MMP19: variants seen among roughly 807,000 people sequenced by gnomAD.
MMP19 encodes matrix metallopeptidase 19.
In MMP19, 47 loss-of-function variants were observed where a neutral mutation model predicts 46.6. That is an observed-to-expected ratio of 1.01 (90% CI 0.80 to 1.29). MMP19 has a LOEUF of 1.29. Among genes scored for constraint, MMP19 ranks in the 50% most tolerant of loss-of-function variants. The probability of loss-of-function intolerance (pLI) is 0.00; values close to 1 mark genes in which losing one functional copy is unlikely to be tolerated. For synonymous variants in MMP19, 222 were observed against 248.5 expected, an observed-to-expected ratio of 0.89 and a Z score of 1.00; for missense variants, 589 against 643.5, an observed-to-expected ratio of 0.92 and a Z score of 0.92.
Position 55,837,010 on chromosome 12 carries a change from C to T in MMP19, c.*26G>A, listed in dbSNP as rs1881263593. ...GTGGTGGAGCCTCAGGGGTTAATGT[C>T]CAAGATTGTGTCTGTGGGTGAGCAG... On this transcript the variant is annotated 3_prime_UTR_variant, in exon 9 of 9. Coordinates refer to ENST00000322569, the MANE Select transcript of MMP19 (RefSeq NM_002429.6). The T allele has an allele frequency of 4.6e-6, 7 of 1,535,734 alleles. No homozygotes were observed. Among genetic ancestry groups the T allele is most frequent in the Non-Finnish European group, 6.2e-6 (7 of 1,137,640 alleles).
At chr12:55,837,805 G>A (rs1261841405) in intron 7 of MMP19, 38 bp downstream of exon 7, 1 of 1,593,742 alleles carries the variant, frequency 6.3e-7, no homozygotes, top group African/African-American at 1.4e-5. Flanking sequence ...TTAAGATTAG[G>A]CCCTCCTCAA....
chr12:55,840,778 T>TGGAGGTC lies in MMP19; in HGVS notation c.408_409insGACCTCC (p.Ser137AspfsTer19). On this transcript the variant is annotated frameshift_variant, in exon 4 of 9. Transcript: ENST00000322569. LOFTEE classifies it high-confidence loss of function. ...TGGAAGGTCAAGGGAGCCACATTGC[T>TGGAGGTC]CCAGTCCTGGAAGGCTTGACGCAGG... The TGGAGGTC allele has an allele frequency of 6.2e-7, 1 of 1,614,010 alleles. No individual in the cohort carries two copies. The highest frequency in any genetic ancestry group is 1.7e-4 in the Middle Eastern group (1 of 6,060).
Position 55,842,813 on chromosome 12 carries a change from C to T in MMP19, c.18G>A (p.Leu6=), listed in dbSNP as rs1213524256. Residue 6 remains leucine, a synonymous_variant, in exon 1 of 9, where the codon CTG becomes CTA. Transcript: ENST00000322569. MNCQQ[L]WLGFLLPMTV... is the part of the protein sequence containing the mutation. ...TCATGGGGAGTAGGAAGCCCAGCCACAGCTGCTGGCAGTTCATGGTCCCAC... is the reference window on the plus strand; with the variant it reads ...TCATGGGGAGTAGGAAGCCCAGCCATAGCTGCTGGCAGTTCATGGTCCCAC... 1 of 1,599,808 alleles carries T rather than the reference C, an allele frequency of 6.3e-7. No individual in the cohort carries two copies. The highest frequency in any genetic ancestry group is 2.3e-5 in the East Asian group (1 of 44,042).
chr12:55,839,419 G>A, intron 5 of MMP19, 77 bp downstream of exon 5: 1 of 1,495,678 alleles, frequency 6.7e-7, no homozygotes, highest in Admixed American at 2.2e-5. Context: ...ATCCCTACAT[G>A]GAGGCTAGAC....
chr12:55,840,872 T>C lies in MMP19; in HGVS notation c.315A>G (p.Arg105=). 2.5e-6 allele frequency: 4 copies of C among 1,583,576 alleles called. No homozygotes were observed. The highest frequency in any genetic ancestry group is 3.4e-6 in the Non-Finnish European group (4 of 1,160,812). ...TLKYLLLGRW[R]KKHLTFRILN... is the part of the protein sequence containing the mutation. ...AGATGCGGAAAGTCAGGTGCTTCTT[T>C]CTCCAGCGGCCTAGTTAATGACCAG... The change falls in exon 4 of 9, where the codon AGA becomes AGG. Residue 105 remains arginine (R), a synonymous_variant. Coordinates refer to ENST00000322569, the MANE Select transcript of MMP19 (RefSeq NM_002429.6).
rs1254881531 is a variant in MMP19, at chr12:55,841,183, G to T, written c.227C>A (p.Thr76Lys). 1.2e-6 allele frequency: 2 copies of T among 1,613,848 alleles called. No individual in the cohort carries two copies. The highest frequency in any genetic ancestry group is 1.7e-6 in the Non-Finnish European group (2 of 1,180,012). Residue 76 changes from threonine to lysine, a missense_variant, in exon 3 of 9, where the codon ACA becomes AAA. Thr to Lys is a moderately conservative substitution (Grantham distance 78). Transcript: ENST00000322569. ...ACGAGGCTGCCTCATGCGGGCCCTT[G>T]TGGCATCATCCAGCTGACCTGAGAC... is the stretch of plus-strand genomic sequence containing the variant. ...LPVSGQLDDA[T>K]RARMRQPRCG... is the part of the protein sequence containing the mutation.
At position 55,837,979 on chromosome 12, in the gene MMP19, C is replaced by T. The variant is rs760330006; in HGVS notation, c.924G>A (p.Lys308=). 3 of 1,591,950 alleles carry T rather than the reference C, an allele frequency of 1.9e-6. No individual in the cohort carries two copies. Among genetic ancestry groups the T allele is most frequent in the Non-Finnish European group, 2.6e-6 (3 of 1,163,060 alleles). ...LGPRGKTYAF[K]GDYVWTVSDS... Reference sequence around the variant, plus strand: ...CTGATACAGTCCACACATAGTCCCCCTTGAAAGCATAGGTCTTCCCACGGG... The same window carrying T: ...CTGATACAGTCCACACATAGTCCCCTTTGAAAGCATAGGTCTTCCCACGGG... The change falls in exon 7 of 9, where the codon AAG becomes AAA. Residue 308 remains lysine (K), a synonymous_variant. Transcript: ENST00000322569.
intron 2 of MMP19, among the ~76,000 whole-genome samples, chr12:55,841,719 C>T (rs1340830130): frequency 6.6e-6 from 1 of 152,084 alleles, no homozygotes; most frequent in Non-Finnish European, 1.5e-5. Flanking sequence ...ATGCCCAGCC[C>T]CTCTACTGCA....
rs1881212195 is a variant in MMP19 at position 55,836,372 on chromosome 12, T to G, written c.*664A>C. The G allele has an allele frequency of 1.3e-5, 2 of 152,394 alleles. No individual in the cohort carries two copies. Among genetic ancestry groups the G allele is most frequent in the South Asian group, 4.1e-4 (2 of 4,832 alleles). 9.4% of individuals were successfully genotyped at this position (152,394 alleles called of 1,614,324 possible). ...ATAGAGATGCCCTTATTATACAGAC[T>G]ACTGTAAGAGTTATACAGCCAGACA... On this transcript the variant is annotated 3_prime_UTR_variant, in exon 9 of 9. Transcript: ENST00000322569.
In MMP19 at chr12:55,837,961, A is replaced by T; in HGVS notation, c.942T>A (p.Thr314=). The T allele has an allele frequency of 6.2e-7, 1 of 1,609,442 alleles. No individual in the cohort carries two copies. The highest frequency in any genetic ancestry group is 8.5e-7 in the Non-Finnish European group (1 of 1,176,214). The change falls in exon 7 of 9, where the codon ACT becomes ACA. Residue 314 remains threonine, a synonymous_variant. Transcript: ENST00000322569. ...TYAFKGDYVW[T]VSDSGPGPLF... The stretch of plus-strand genomic sequence containing the variant: ...AGGGGCCCGGTCCTGAATCTGATAC[A>T]GTCCACACATAGTCCCCCTTGAAAG...
rs1005095691 is a variant in MMP19, at chr12:55,842,815, G to A, written c.16C>T (p.Leu6=). Reference sequence around the variant, plus strand: ...ATGGGGAGTAGGAAGCCCAGCCACAGCTGCTGGCAGTTCATGGTCCCACCA... The same window carrying A: ...ATGGGGAGTAGGAAGCCCAGCCACAACTGCTGGCAGTTCATGGTCCCACCA... MNCQQ[L]WLGFLLPMTV... Residue 6 remains leucine, a synonymous_variant, in exon 1 of 9, where the codon CTG becomes TTG. Coordinates refer to ENST00000322569, the MANE Select transcript of MMP19 (RefSeq NM_002429.6). The A allele has an allele frequency of 1.9e-6, 3 of 1,599,900 alleles. No individual in the cohort carries two copies. Among genetic ancestry groups the A allele is most frequent in the African/African-American group, 2.7e-5 (2 of 74,540 alleles).
At position 55,838,001 on chromosome 12, in the gene MMP19, C is replaced by T. The variant is rs749262995; in HGVS notation, c.902G>A (p.Arg301His). The change falls in exon 7 of 9, where the codon CGT becomes CAT. Residue 301 changes from arginine (R) to histidine (H), a missense_variant. Coordinates refer to ENST00000322569, the MANE Select transcript of MMP19 (RefSeq NM_002429.6). Reference protein sequence around the residue: ...SELDAMMLGPRGKTYAFKGDY... With the variant: ...SELDAMMLGPHGKTYAFKGDY... ...CCCCTTGAAAGCATAGGTCTTCCCA[C>T]GGGGCCCTGAGCGTAATGGTGTGTC... 17 of 1,581,600 alleles carry T rather than the reference C, an allele frequency of 1.1e-5. No individual in the cohort carries two copies. Among genetic ancestry groups the T allele is most frequent in the Non-Finnish European group, 1.5e-5 (17 of 1,157,134 alleles).
intron 6 of MMP19, chr12:55,838,310 A>G: frequency 3.1e-6 from 2 of 652,110 alleles, no homozygotes; most frequent in South Asian, 3.8e-5. Flanking sequence ...AACCAGGTGC[A>G]CCCTCTCTAA....
chr12:55,842,719 C>A (rs1240931600), intron 1 of MMP19, 25 bp downstream of exon 1: 9 of 1,576,168 alleles, frequency 5.7e-6, no homozygotes, highest in Non-Finnish European at 7.8e-6. Context: ...TCCGCTGGCC[C>A]AGGTCTCTTT....
At chr12:55,839,827 CA>C in intron 4 of MMP19, 86 bp from the exon 5 acceptor site, 10 of 1,464,964 alleles carry the variant, frequency 6.8e-6, no homozygotes, top group Non-Finnish European at 9.2e-6. Flanking sequence ...CTAATTAATG[CA>C]TACCTTTAAA....
At position 55,838,005 on chromosome 12, in the gene MMP19, G is replaced by A. The variant is rs150245388; in HGVS notation, c.898C>T (p.Pro300Ser). 2 of 1,579,122 alleles carry A rather than the reference G, an allele frequency of 1.3e-6. No individual in the cohort carries two copies. The highest frequency in any genetic ancestry group is 1.8e-5 in the Admixed American group (1 of 57,114). Residue 300 changes from proline (P) to serine (S), a missense_variant and splice_region_variant, in exon 7 of 9, where the codon CCC becomes TCC. Transcript: ENST00000322569. ...SSELDAMMLG[P>S]RGKTYAFKGD... is the part of the protein sequence containing the mutation. ...TTGAAAGCATAGGTCTTCCCACGGG[G>A]CCCTGAGCGTAATGGTGTGTCAACA...
chr12:55,841,128 C>T lies in MMP19; in HGVS notation c.282G>A (p.Lys94=). Residue 94 remains lysine, a synonymous_variant, in exon 3 of 9, where the codon AAG becomes AAA. Transcript: ENST00000322569. ...RCGLEDPFNQ[K]TLKYLLLGRW... Reference sequence around the variant, plus strand: ...CACCCAGCAACAGGTATTTAAGGGTCTTCTGGTTGAAGGGATCCTCTAGGC... The same window carrying T: ...CACCCAGCAACAGGTATTTAAGGGTTTTCTGGTTGAAGGGATCCTCTAGGC... The T allele has an allele frequency of 1.2e-6, 2 of 1,613,144 alleles. No individual in the cohort carries two copies. Among genetic ancestry groups the T allele is most frequent in the South Asian group, 2.2e-5 (2 of 91,044 alleles).
At chr12:55,840,398 A>G in intron 4 of MMP19, among the ~76,000 whole-genome samples, 1 of 110,748 alleles carries the variant, frequency 9.0e-6, no homozygotes, top group East Asian at 3.1e-4. Context: ...AGAGAGAAGG[A>G]GAGAAGGAAG....
rs1185980405 is a variant in MMP19, at chr12:55,837,662, T to G, written c.1081A>C (p.Ile361Leu). 6.2e-7 allele frequency: 1 copy of G among 1,614,220 alleles called. No individual in the cohort carries two copies. Among genetic ancestry groups the G allele is most frequent in the South Asian group, 1.1e-5 (1 of 91,084 alleles). ...FFKGDKVWRY[I>L]NFKMSPGFPK... ...AAGCCAGGAGACATCTTGAAATTAATGTAGCGCCACACCTTGTCTCCTGAG... is the reference window on the plus strand; with the variant it reads ...AAGCCAGGAGACATCTTGAAATTAAGGTAGCGCCACACCTTGTCTCCTGAG... The change falls in exon 8 of 9, where the codon ATT (isoleucine) becomes CTT (leucine). Residue 361 changes from isoleucine (I) to leucine (L), a missense_variant. Physicochemically the swap from Ile to Leu is conservative, Grantham distance 5. Coordinates refer to ENST00000322569, the MANE Select transcript of MMP19 (RefSeq NM_002429.6).
Sources: allele counts gnomAD v4.1 joint callset (sites outside exome capture counted in the v4.1 genomes callset), GRCh38; gene constraint gnomAD v4.1.1; transcripts MANE v1.5; gene names NCBI Gene and HGNC (gene_info 2026-07-23, HGNC 2026-07-21).